Variants in CACNA1B observed in about 807,000 individuals in gnomAD.
The protein encoded by CACNA1B is calcium voltage-gated channel subunit alpha1 B, also known as voltage-dependent N-type calcium channel subunit alpha-1B.
In CACNA1B, 70 loss-of-function variants were observed where a neutral mutation model predicts 247.2. That is an observed-to-expected ratio of 0.28 (90% CI 0.23 to 0.35). The LOEUF (loss-of-function observed/expected upper bound fraction) is 0.35, where lower values mean the gene tolerates loss of function less well. CACNA1B is among the 10% of genes least tolerant of loss of function. The pLI is 1.00. For synonymous variants in CACNA1B, 1,231 were observed against 1,294.4 expected, an observed-to-expected ratio of 0.95 and a Z score of 1.05; for missense variants, 2,367 against 3,197.4, an observed-to-expected ratio of 0.74 and a Z score of 6.26.
Position 138,120,588 on chromosome 9 carries a change from G to T in CACNA1B, c.6239-43G>T, listed in dbSNP as rs201365551. On this transcript the variant is annotated intron_variant, in intron 45 of 46. Coordinates refer to ENST00000371372, the MANE Select transcript of CACNA1B (RefSeq NM_000718.4). ...CTGGGCCCGGGGGTCAGGGGTCCCTGCCTTGGGCCTGGCCGTGCTAACTTC... is the reference window on the plus strand; with the variant it reads ...CTGGGCCCGGGGGTCAGGGGTCCCTTCCTTGGGCCTGGCCGTGCTAACTTC... The T allele has an allele frequency of 3.4e-6, 5 of 1,467,324 alleles. No individual in the cohort carries two copies. The African/African-American group carries it at 4.3e-5, about 13-fold the overall frequency. The allele number at this position is 1,467,324 out of a possible 1,614,324, so 90.9% of individuals were successfully genotyped here.
chr9:138,094,457 A>AAAAG (rs752912258), intron 36 of CACNA1B, among the ~76,000 whole-genome samples: 1 of 134,888 alleles, frequency 7.4e-6, no homozygotes, highest in African/African-American at 2.7e-5. Flanking sequence ...AAAAAAAAAA[A>AAAAG]AAGAAGAAGA....
In CACNA1B at chr9:137,917,527, G is replaced by A; in HGVS notation, c.966+96G>A. 1 of 1,094,548 alleles carries A rather than the reference G, an allele frequency of 9.1e-7. No individual in the cohort carries two copies. Among genetic ancestry groups the A allele is most frequent in the African/African-American group, 1.6e-5 (1 of 63,804 alleles). 67.8% of individuals were successfully genotyped at this position (1,094,548 alleles called of 1,614,324 possible). The stretch of plus-strand genomic sequence containing the variant: ...ATTTAGGGGGGCCCTTCTGACCTCA[G>A]AGCCTCTGCCCAGCCCTAGGCTCCT... On this transcript the variant is annotated intron_variant, in intron 6 of 46. Coordinates refer to ENST00000371372, the MANE Select transcript of CACNA1B (RefSeq NM_000718.4). The surrounding 1 kb of genome is among the most constrained non-coding windows in gnomAD (Gnocchi z 5.5).
At position 137,973,059 on chromosome 9, in the gene CACNA1B, C is replaced by G. The variant is rs77105462; in HGVS notation, c.1543+1467C>G. ...CCCAGTGACTAGGCCTGTTCTTCCCCGTGAGAGGCTGTTGGTGTGCAGTGA... is the reference window on the plus strand; with the variant it reads ...CCCAGTGACTAGGCCTGTTCTTCCCGGTGAGAGGCTGTTGGTGTGCAGTGA... On this transcript the variant is annotated intron_variant, in intron 11 of 46. Transcript: ENST00000371372. This position sits in a 1 kb window ranked among gnomAD's most constrained non-coding sequence, Gnocchi z 4.1. 5.4e-4 allele frequency among the ~76,000 whole-genome samples: 83 copies of G among 152,310 alleles called. 2 individuals carry two copies. The East Asian group carries it at 0.016, about 29-fold the overall frequency.
At chr9:137,977,910 C>A (rs1332541182) in intron 12 of CACNA1B, among the ~76,000 whole-genome samples, 1 of 150,610 alleles carries the variant, frequency 6.6e-6, no homozygotes, top group African/African-American at 2.5e-5. Context: ...TGCACTACCC[C>A]CGCAGGAAGG....
chr9:138,013,037 C>G (rs1958744854), intron 17 of CACNA1B, 92 bp from the exon 18 acceptor site: 1 of 905,570 alleles, frequency 1.1e-6, no homozygotes, highest in Non-Finnish European at 1.7e-6. Flanking sequence ...TTTTTTGAGG[C>G]CCCTGGAGGA....
At chr9:138,060,364 T>A (rs554659951) in intron 31 of CACNA1B, among the ~76,000 whole-genome samples, 5 of 152,324 alleles carry the variant, frequency 3.3e-5, no homozygotes, top group African/African-American at 1.2e-4. Flanking sequence ...AGCACTCATG[T>A]GAAATTTATT....
chr9:137,982,815 A>G (rs1958309164), intron 12 of CACNA1B, among the ~76,000 whole-genome samples: 1 of 152,180 alleles, frequency 6.6e-6, no homozygotes, highest in African/African-American at 2.4e-5. Context: ...AGCTTACCCA[A>G]TTTGTTGTAT....
At chr9:137,911,655 G>A (rs907847826) in intron 3 of CACNA1B, among the ~76,000 whole-genome samples, 1 of 152,166 alleles carries the variant, frequency 6.6e-6, no homozygotes, top group Admixed American at 6.5e-5. Flanking sequence ...CTGACCTCAG[G>A]GGATCCACCT....
intron 39 of CACNA1B, among the ~76,000 whole-genome samples, chr9:138,108,028 CA>C (rs781314090): frequency 0.029 from 2,547 of 88,572 alleles, 63 homozygotes; most frequent in African/African-American, 0.086. Flanking sequence ...CACCAGAGGA[CA>C]AAAAAAAAAA....
chr9:137,929,712 G>T (rs1319669890), intron 6 of CACNA1B, among the ~76,000 whole-genome samples: 1 of 152,016 alleles, frequency 6.6e-6, no homozygotes, highest in African/African-American at 2.4e-5. Context: ...GAGTACAGGG[G>T]CATGGTCATA....
intron 20 of CACNA1B, among the ~76,000 whole-genome samples, chr9:138,043,161 G>A (rs1959147362): frequency 6.6e-6 from 1 of 152,320 alleles, no homozygotes; most frequent in East Asian, 1.9e-4. Context: ...GTGTGGTGGG[G>A]TGCTGAGCGG....
At chr9:137,987,752 T>C (rs1182992536) in intron 15 of CACNA1B, among the ~76,000 whole-genome samples, 1 of 152,166 alleles carries the variant, frequency 6.6e-6, no homozygotes, top group Non-Finnish European at 1.5e-5. Context: ...AATTAGACGA[T>C]TGGCTCAAAG....
chr9:137,889,433 G>A (rs1957064863), intron 3 of CACNA1B, among the ~76,000 whole-genome samples: 1 of 147,934 alleles, frequency 6.8e-6, no homozygotes, highest in South Asian at 2.2e-4. Flanking sequence ...CGGGGGCTGA[G>A]TTCTGACAAG....
intron 3 of CACNA1B, chr9:137,890,606 C>T (rs560540444): frequency 6.6e-6 from 1 of 150,554 alleles, no homozygotes; most frequent in East Asian, 1.9e-4. Flanking sequence ...CTCCTCTCGA[C>T]GGTGACTGCA....
Position 137,975,913 on chromosome 9 carries a change from C to A in CACNA1B, c.1550C>A (p.Ala517Glu). ...PRRLTTTLYF[A>E]EFVFLGLFLT... ...CTTCTCCGGCTTCTCCTAGATTTTG[C>A]AGAGTTTGTTTTCCTGGGTCTCTTC... Residue 517 changes from alanine to glutamate, a missense_variant, in exon 12 of 47, where the codon GCA (alanine) becomes GAA (glutamate). Around this residue, in one of 12 missense-constraint regions of CACNA1B, gnomAD observed 219 missense variants for 297.6 expected, o/e 0.74. Coordinates refer to ENST00000371372, the MANE Select transcript of CACNA1B (RefSeq NM_000718.4). 6.2e-7 allele frequency: 1 copy of A among 1,606,174 alleles called. No homozygotes were observed. Among genetic ancestry groups the A allele is most frequent in the Non-Finnish European group, 8.5e-7 (1 of 1,172,974 alleles).
intron 35 of CACNA1B, 24 bp downstream of exon 35, chr9:138,075,934 C>G: frequency 6.7e-7 from 1 of 1,482,832 alleles, no homozygotes; most frequent in African/African-American, 1.4e-5. Flanking sequence ...TCAGCCCAGG[C>G]CAATGTCTGC....
chr9:137,966,152 CT>C (rs1958072949), intron 10 of CACNA1B, among the ~76,000 whole-genome samples: 1 of 151,812 alleles, frequency 6.6e-6, no homozygotes, highest in East Asian at 1.9e-4. Flanking sequence ...CTTTCTTTTC[CT>C]TTCATTTCCA....
rs1436142487 is a variant in CACNA1B at position 137,909,514 on chromosome 9, G to C, written c.531-3666G>C. 8.5e-5 allele frequency among the ~76,000 whole-genome samples: 13 copies of C among 152,172 alleles called. No homozygotes were observed. The East Asian group carries it at 2.5e-3, about 29-fold the overall frequency. On this transcript the variant is annotated intron_variant, in intron 3 of 46. Transcript: ENST00000371372. ...ATGTTACCCAAGTTCATCCATGCTGGAGCAAATGCAGCATTAGAGCGTCGT... is the reference window on the plus strand; with the variant it reads ...ATGTTACCCAAGTTCATCCATGCTGCAGCAAATGCAGCATTAGAGCGTCGT...
intron 13 of CACNA1B, among the ~76,000 whole-genome samples, chr9:137,984,594 C>T (rs2133380846): frequency 6.6e-6 from 1 of 152,322 alleles, no homozygotes; most frequent in South Asian, 2.1e-4. Context: ...CAGAAGTCAT[C>T]AGATGGAAGC....
Sources: gnomAD v4.1 joint callset for allele counts (sites outside exome capture counted in the v4.1 genomes callset) on GRCh38, gnomAD v4.1.1 for gene constraint, gnomAD v4.1.1 regional missense constraint, Gnocchi (gnomAD v3.1) non-coding constraint, MANE v1.5 for transcripts, NCBI Gene and HGNC (gene_info 2026-07-23, HGNC 2026-07-21) for gene names.